DIP2C: variants seen among roughly 807,000 people sequenced by gnomAD.
DIP2C encodes DIP2 acetate--CoA ligase C (putative).
DIP2C carries 33 observed loss-of-function variants against 192.4 expected under a neutral mutation model. The ratio of observed to expected loss-of-function variants is 0.17; its 90% CI spans 0.13 to 0.23. The LOEUF is 0.23. Ranked by LOEUF, DIP2C falls within the 10% of genes least tolerant of loss-of-function variation. DIP2C has a pLI of 1.00. For synonymous variants in DIP2C, 979 were observed against 864.1 expected (o/e 1.13, Z -2.33); for missense variants, 1,537 against 2,110.1 (o/e 0.73, Z 5.32).
chr10:569,704 G>T (rs1171716952), intron 1 of DIP2C, among the ~76,000 whole-genome samples: 1 of 152,118 alleles, frequency 6.6e-6, no homozygotes, highest in Non-Finnish European at 1.5e-5. Flanking sequence ...TTACTGCAGG[G>T]TAATAATCAG....
intron 1 of DIP2C, among the ~76,000 whole-genome samples, chr10:527,059 TCA>T (rs1286321436): frequency 2.0e-5 from 3 of 152,144 alleles, no homozygotes; most frequent in African/African-American, 7.2e-5. Flanking sequence ...CACCACACAT[TCA>T]GTGAGGCTGT....
At chr10:590,642 G>A (rs886993995) in intron 1 of DIP2C, among the ~76,000 whole-genome samples, 3 of 152,180 alleles carry the variant, frequency 2.0e-5, no homozygotes, top group Admixed American at 6.5e-5. Flanking sequence ...AGAGCCAGAG[G>A]CCATAGTCTG....
At chr10:498,451 G>C (rs1049694971) in intron 1 of DIP2C, among the ~76,000 whole-genome samples, 1 of 152,178 alleles carries the variant, frequency 6.6e-6, no homozygotes, top group East Asian at 1.9e-4. Flanking sequence ...GGCGCCAGTG[G>C]AGATGCTTGC....
chr10:617,462 G>A (rs1853546237), intron 1 of DIP2C, among the ~76,000 whole-genome samples: 1 of 152,158 alleles, frequency 6.6e-6, no homozygotes, highest in South Asian at 2.1e-4. Flanking sequence ...AGCACACGTG[G>A]GACCCTAGCC....
intron 2 of DIP2C, among the ~76,000 whole-genome samples, chr10:481,050 A>G (rs371237146): frequency 6.6e-6 from 1 of 152,154 alleles, no homozygotes; most frequent in Non-Finnish European, 1.5e-5. Context: ...CCAGGTGAGG[A>G]GGCGGTCCCT....
intron 32 of DIP2C, among the ~76,000 whole-genome samples, chr10:303,395 G>C (rs1253315237): frequency 6.6e-6 from 1 of 152,118 alleles, no homozygotes; most frequent in Admixed American, 6.5e-5. Flanking sequence ...TACATTTACT[G>C]TAACTTTCTA....
rs112012475 is a variant in DIP2C, at chr10:394,772, A to T, written c.1261-3909T>A. Among the ~76,000 whole-genome samples, 4 of 102,056 alleles carry T rather than the reference A, an allele frequency of 3.9e-5. No individual in the cohort carries two copies. The South Asian group carries it at 1.4e-3, about 35-fold the overall frequency. The allele number at this position is 102,056 out of a possible 152,430, so 67.0% of individuals were successfully genotyped here. A position where few individuals can be genotyped will look rare whatever the true frequency, so the allele number is the denominator to read the frequency against. ...GAGGGAAGCCTGCCACATGCTGAACAGGAAGGACGCTAGGCCACACAGTGG... is the reference window on the plus strand; with the variant it reads ...GAGGGAAGCCTGCCACATGCTGAACTGGAAGGACGCTAGGCCACACAGTGG... On this transcript the variant is annotated intron_variant, in intron 10 of 36. Transcript: ENST00000280886.
chr10:519,406 T>TTC (rs1354806765), intron 1 of DIP2C, among the ~76,000 whole-genome samples: 1 of 152,206 alleles, frequency 6.6e-6, no homozygotes, highest in Non-Finnish European at 1.5e-5. Flanking sequence ...TCTGAACTCA[T>TTC]TCAATCGCTG....
intron 26 of DIP2C, 145 bp downstream of exon 26, chr10:348,496 G>C (rs778345830): frequency 4.3e-5 from 56 of 1,291,458 alleles, no homozygotes; most frequent in Non-Finnish European, 5.5e-5. Flanking sequence ...CCTGCAGGTA[G>C]AGACCCTGTC....
rs971012554 is a variant in DIP2C, at chr10:670,078, A to G, written c.85+19416T>C. On this transcript the variant is annotated intron_variant, in intron 1 of 36. Transcript: ENST00000280886. ...ATGAAAGGAAAAGGCATATCTGTGC[A>G]CACACACATGCATACACACACATCC... is the stretch of plus-strand genomic sequence containing the variant. Among the ~76,000 whole-genome samples, 4 of 152,202 alleles carry G rather than the reference A, an allele frequency of 2.6e-5. No individual in the cohort carries two copies. In the South Asian group the frequency reaches 6.2e-4, roughly 24 times the overall value.
At chr10:662,427 T>C (rs1373189735) in intron 1 of DIP2C, among the ~76,000 whole-genome samples, 1 of 152,244 alleles carries the variant, frequency 6.6e-6, no homozygotes, top group Non-Finnish European at 1.5e-5. Context: ...ATGTTCAAGG[T>C]GACCAGCCCT....
At chr10:508,108 C>A (rs1845753029) in intron 1 of DIP2C, among the ~76,000 whole-genome samples, 1 of 146,842 alleles carries the variant, frequency 6.8e-6, no homozygotes, top group Non-Finnish European at 1.5e-5. Context: ...CCACCTTCCC[C>A]CAACGCCTTC....
rs949134934 is a variant in DIP2C, at chr10:303,158, G to A, written c.3986+6873C>T. Among the ~76,000 whole-genome samples, 16 of 152,064 alleles carry A rather than the reference G, an allele frequency of 1.1e-4. 1 individual carries two copies. Among genetic ancestry groups the A allele is most frequent in the Admixed American group, 4.6e-4 (7 of 15,268 alleles). On this transcript the variant is annotated intron_variant, in intron 32 of 36. Coordinates refer to ENST00000280886, the MANE Select transcript of DIP2C (RefSeq NM_014974.3). ...GAGCCAAGACATCACCACACGTGGC[G>A]GTAGATTCTTAAACACTGTACTCGT...
At position 356,459 on chromosome 10, in the gene DIP2C, C is replaced by T. The variant is rs762650192; in HGVS notation, c.2952G>A (p.Pro984=). 19 of 1,612,090 alleles carry T rather than the reference C, an allele frequency of 1.2e-5. No homozygotes were observed. The highest frequency in any genetic ancestry group is 1.7e-4 in the Middle Eastern group (1 of 6,060). The change falls in exon 24 of 37, where the codon CCG becomes CCA. Residue 984 remains proline, a synonymous_variant. Transcript: ENST00000280886. ...EVLQWRAQTT[P]DHILYTLLNC... ...TGAGCAGCGTGTAGAGGATGTGGTC[C>T]GGGGTGGTCTGTGCTCTCCACTGCA...
At chr10:531,366 G>C (rs1409496194) in intron 1 of DIP2C, among the ~76,000 whole-genome samples, 1 of 151,966 alleles carries the variant, frequency 6.6e-6, no homozygotes, top group South Asian at 2.1e-4. Flanking sequence ...CCCCTCCTGA[G>C]GGGCGTGTGC....
intron 1 of DIP2C, among the ~76,000 whole-genome samples, chr10:513,679 A>AC (rs1193291677): frequency 2.0e-5 from 3 of 151,968 alleles, no homozygotes; most frequent in East Asian, 1.9e-4. Flanking sequence ...AATGACCTCC[A>AC]CCCCCACCCC....
chr10:600,459 C>CTTAAAGAGGA (rs1564251635), intron 1 of DIP2C, among the ~76,000 whole-genome samples: 2 of 150,672 alleles, frequency 1.3e-5, no homozygotes, highest in African/African-American at 5.0e-5. Flanking sequence ...CCGGAGCCAC[C>CTTAAAGAGGA]CGACAGCCCT....
rs568001094 is a variant in DIP2C, at chr10:495,697, A to T, written c.86-9167T>A. Among the ~76,000 whole-genome samples, 12 of 152,258 alleles carry T rather than the reference A, an allele frequency of 7.9e-5. No homozygotes were observed. The East Asian group carries it at 2.3e-3, about 29-fold the overall frequency. ...TGATAGAAAATGGCTCAGCATTTACATAGAACCCACATGTGCCCTCCCGTG... is the reference window on the plus strand; with the variant it reads ...TGATAGAAAATGGCTCAGCATTTACTTAGAACCCACATGTGCCCTCCCGTG... On this transcript the variant is annotated intron_variant, in intron 1 of 36. Transcript: ENST00000280886.
chr10:311,369 G>A (rs1956558868), intron 31 of DIP2C, among the ~76,000 whole-genome samples: 1 of 152,252 alleles, frequency 6.6e-6, no homozygotes, highest in Non-Finnish European at 1.5e-5. Flanking sequence ...GGCTACGCGT[G>A]AGGCCTGAAC....
Sources: allele counts gnomAD v4.1 joint callset (sites outside exome capture counted in the v4.1 genomes callset), GRCh38; gene constraint gnomAD v4.1.1; transcripts MANE v1.5; gene names NCBI Gene and HGNC (gene_info 2026-07-23, HGNC 2026-07-21).